The following PSD2 variants were observed in gnomAD, a reference collection of about 807,000 sequenced individuals.
PSD2 encodes the protein pleckstrin and Sec7 domain containing 2, also known as PH and SEC7 domain-containing protein 2.
In PSD2, 38 loss-of-function variants were observed where a neutral mutation model predicts 69.8. That is an observed-to-expected ratio of 0.54 (90% CI 0.42 to 0.71). The LOEUF (loss-of-function observed/expected upper bound fraction) is 0.71, where lower values mean the gene tolerates loss of function less well. PSD2 is among the 30% of genes least tolerant of loss of function. PSD2 has a pLI of 0.00. For synonymous variants in PSD2, 412 were observed against 423.0 expected (o/e 0.97, Z 0.32); for missense variants, 943 against 1,014.5 (o/e 0.93, Z 0.96).
chr5:139,785,782 G>T, the PSD2 span, among the ~76,000 whole-genome samples: 1 of 152,234 alleles, frequency 6.6e-6, no homozygotes, highest in South Asian at 2.1e-4. Flanking sequence ...GTGGGAAGGG[G>T]TCTCCAATCT....
chr5:139,816,763 G>A (rs1306087794), intron 4 of PSD2, among the ~76,000 whole-genome samples: 1 of 152,150 alleles, frequency 6.6e-6, no homozygotes, highest in Non-Finnish European at 1.5e-5. Context: ...CCCCGATTCG[G>A]GGCTCTGGGC....
At chr5:139,804,949 G>A (rs1044267200) in intron 1 of PSD2, among the ~76,000 whole-genome samples, 6 of 151,368 alleles carry the variant, frequency 4.0e-5, no homozygotes, top group Admixed American at 2.0e-4. Context: ...GTCTGCACGT[G>A]TGCGTGTGTA....
In PSD2 at chr5:139,836,820, T is replaced by C. The variant is rs1428277810; in HGVS notation, c.1413T>C (p.Asp471=). The change falls in exon 10 of 15, where the codon GAT becomes GAC. Residue 471 remains aspartate (D), a synonymous_variant. Coordinates refer to ENST00000274710, the MANE Select transcript of PSD2 (RefSeq NM_032289.4). The part of the protein sequence containing the change: ...NEKLEWAIDE[D]ELRKSLSELV... The stretch of plus-strand genomic sequence containing the variant: ...CCTAGTACTTCCCTAGTGATGAGGA[T>C]GAGCTGAGGAAATCCCTGTCTGAGC... 20 of 1,613,744 alleles carry C rather than the reference T, an allele frequency of 1.2e-5. No homozygotes were observed. The highest frequency in any genetic ancestry group is 1.6e-5 in the Non-Finnish European group (19 of 1,179,708).
chr5:139,764,617 G>GC, the PSD2 span, among the ~76,000 whole-genome samples: 1 of 152,152 alleles, frequency 6.6e-6, no homozygotes, highest in African/African-American at 2.4e-5. Flanking sequence ...CTCCCCCGGC[G>GC]CCCCGCAGTG....
intron 7 of PSD2, among the ~76,000 whole-genome samples, chr5:139,829,995 C>T (rs1760531662): frequency 1.4e-5 from 2 of 144,622 alleles, no homozygotes; most frequent in African/African-American, 2.6e-5. Context: ...CTCACCAACC[C>T]TTTTCTTTTT....
chr5:139,821,870 A>C (rs1478978223), intron 5 of PSD2, 23 bp from the exon 6 acceptor site: 1 of 1,506,682 alleles, frequency 6.6e-7, no homozygotes. Context: ...GACTGCCCTC[A>C]GCAGCTTTGA....
chr5:139,766,828 C>CTTCTCTCTCTTTCTTTCT, the PSD2 span, among the ~76,000 whole-genome samples: 2,285 of 87,780 alleles, frequency 0.026, 327 homozygotes, highest in Middle Eastern at 0.044. Context: ...AAGTCCCTTC[C>CTTCTCTCTCTTTCTTTCT]TTCTTTCTTT....
rs1261586930 is a variant in PSD2, at chr5:139,837,076, G to A, written c.1594+75G>A. On this transcript the variant is annotated intron_variant, in intron 10 of 14. Coordinates refer to ENST00000274710, the MANE Select transcript of PSD2 (RefSeq NM_032289.4). The surrounding 1 kb of genome is among the most constrained non-coding windows in gnomAD (Gnocchi z 5.0). ...GGGGCGCCACGGGCCACTCTTTGGGGACGAACATACAGGTGGACACGTAGT... is the reference window on the plus strand; with the variant it reads ...GGGGCGCCACGGGCCACTCTTTGGGAACGAACATACAGGTGGACACGTAGT... 2 of 1,595,128 alleles carry A rather than the reference G, an allele frequency of 1.3e-6. No homozygotes were observed. The highest frequency in any genetic ancestry group is 1.7e-6 in the Non-Finnish European group (2 of 1,166,890).
At chr5:139,784,917 G>T in the PSD2 span, among the ~76,000 whole-genome samples, 1 of 152,036 alleles carries the variant, frequency 6.6e-6, no homozygotes, top group Non-Finnish European at 1.5e-5. Flanking sequence ...ACCACGCCTG[G>T]CTAATTTTTT....
the PSD2 span, among the ~76,000 whole-genome samples, chr5:139,782,497 T>TC: frequency 6.9e-6 from 1 of 145,494 alleles, no homozygotes; most frequent in African/African-American, 2.6e-5. Context: ...CTAGTTTTTT[T>TC]TTTTTTTTTT....
At chr5:139,775,069 A>G in the PSD2 span, among the ~76,000 whole-genome samples, 1 of 152,148 alleles carries the variant, frequency 6.6e-6, no homozygotes, top group Non-Finnish European at 1.5e-5. Context: ...TCTGGCGCCC[A>G]CCACCAGTCT....
chr5:139,838,617 C>T lies in PSD2; in HGVS notation c.1824-11C>T, dbSNP rs1344494699. ...TGAGAGGCCGGCACCCTCTCCCCCT[C>T]CTGTCCCCAGGAGCAAGGAAGAAAT... On this transcript the variant is annotated splice_polypyrimidine_tract_variant and intron_variant, in intron 12 of 14. Coordinates refer to ENST00000274710, the MANE Select transcript of PSD2 (RefSeq NM_032289.4). 1 of 1,609,144 alleles carries T rather than the reference C, an allele frequency of 6.2e-7. No individual in the cohort carries two copies. Among genetic ancestry groups the T allele is most frequent in the Non-Finnish European group, 8.5e-7 (1 of 1,176,114 alleles).
the PSD2 span, among the ~76,000 whole-genome samples, chr5:139,744,453 CAG>C: frequency 6.6e-6 from 1 of 152,178 alleles, no homozygotes; most frequent in African/African-American, 2.4e-5. Context: ...GCCTGGTCCT[CAG>C]AGTTGGCTAG....
the PSD2 span, among the ~76,000 whole-genome samples, chr5:139,782,649 C>T: frequency 1.1e-4 from 16 of 151,946 alleles, no homozygotes; most frequent in Non-Finnish European, 1.9e-4. Context: ...CATGCCACTA[C>T]GCCCGGCTCA....
At chr5:139,808,670 C>T (rs1016173749) in intron 1 of PSD2, among the ~76,000 whole-genome samples, 8 of 152,184 alleles carry the variant, frequency 5.3e-5, no homozygotes, top group Non-Finnish European at 1.0e-4. Context: ...CTCCTCCTTC[C>T]TCCCAGACAG....
At chr5:139,798,814 A>G (rs1193352109) in intron 1 of PSD2, among the ~76,000 whole-genome samples, 1 of 152,218 alleles carries the variant, frequency 6.6e-6, no homozygotes, top group Non-Finnish European at 1.5e-5. Flanking sequence ...GTAATCATCC[A>G]GTTTAACCTA....
chr5:139,766,828 CTTCTTTCTTTCTTTCT>C, the PSD2 span, among the ~76,000 whole-genome samples: 39 of 87,810 alleles, frequency 4.4e-4, no homozygotes, highest in South Asian at 2.6e-3. Context: ...AAGTCCCTTC[CTTCTTTCTTTCTTTCT>C]TTCTTTCTTT....
intron 5 of PSD2, among the ~76,000 whole-genome samples, chr5:139,819,793 C>A (rs1487874651): frequency 6.6e-6 from 1 of 152,148 alleles, no homozygotes; most frequent in Non-Finnish European, 1.5e-5. Context: ...AAAGATTGCG[C>A]TAGAATGAGG....
At chr5:139,800,513 CGGCTGCCCTCCTT>C (rs1373746610) in intron 1 of PSD2, among the ~76,000 whole-genome samples, 2 of 152,222 alleles carry the variant, frequency 1.3e-5, no homozygotes, top group Non-Finnish European at 2.9e-5. Flanking sequence ...CCGCCCTCCT[CGGCTGCCCTCCTT>C]GGCTTCCCAA....
Sources: gnomAD v4.1 joint callset for allele counts (sites outside exome capture counted in the v4.1 genomes callset) on GRCh38, gnomAD v4.1.1 for gene constraint, Gnocchi (gnomAD v3.1) non-coding constraint, MANE v1.5 for transcripts, NCBI Gene and HGNC (gene_info 2026-07-23, HGNC 2026-07-21) for gene names.